DAB1: variants seen among roughly 807,000 people sequenced by gnomAD.
DAB1 encodes the protein DAB adaptor protein 1.
DAB1 carries 15 observed loss-of-function variants against 64.6 expected under a neutral mutation model. The observed-to-expected ratio is 0.23, with a 90% CI of 0.16 to 0.36. The LOEUF (loss-of-function observed/expected upper bound fraction) is 0.36, where lower values mean the gene tolerates loss of function less well. DAB1 is among the 10% of genes least tolerant of loss of function. The probability of loss-of-function intolerance (pLI) is 1.00; values close to 1 mark genes in which losing one functional copy is unlikely to be tolerated. For synonymous variants in DAB1, 235 were observed against 251.9 expected (o/e 0.93, Z 0.64); for missense variants, 596 against 706.7 (o/e 0.84, Z 1.78).
rs570870493 is a variant in DAB1, at chr1:57,003,387, C to A, written c.*16-5259G>T. Reference sequence around the variant, plus strand: ...CTTGAGCTACACACCAGGACTGTGCCTTTAGAGCTCCTGTCTTCATTTTAC... The same window carrying A: ...CTTGAGCTACACACCAGGACTGTGCATTTAGAGCTCCTGTCTTCATTTTAC... On this transcript the variant is annotated intron_variant, in intron 14 of 14. Coordinates refer to ENST00000371236, the MANE Select transcript of DAB1 (RefSeq NM_001365792.1). Among the ~76,000 whole-genome samples, 6 of 152,288 alleles carry A rather than the reference C, an allele frequency of 3.9e-5. No homozygotes were observed. The South Asian group carries it at 1.2e-3, about 32-fold the overall frequency.
intron 6 of DAB1, among the ~76,000 whole-genome samples, chr1:57,730,723 G>A (rs1023211865): frequency 9.2e-5 from 14 of 152,188 alleles, no homozygotes; most frequent in Admixed American, 6.5e-5. Flanking sequence ...ATCAAAGTCA[G>A]TTCCCATTGT....
intron 1 of DAB1, among the ~76,000 whole-genome samples, chr1:57,833,101 T>C (rs925476169): frequency 1.3e-5 from 2 of 152,120 alleles, no homozygotes; most frequent in Non-Finnish European, 2.9e-5. Context: ...TACAGTACTT[T>C]TCTAGGATAT....
intron 1 of DAB1, among the ~76,000 whole-genome samples, chr1:57,362,352 T>C (rs1679625435): frequency 6.6e-6 from 1 of 151,996 alleles, no homozygotes; most frequent in African/African-American, 2.4e-5. Flanking sequence ...ATTACTATTA[T>C]TCAATAATTC....
rs1197111004 is a variant in DAB1 at position 56,996,148 on chromosome 1, C to A, written c.*1996G>T. ...ACTTTTCGCTTTGTGAACAAGTATA[C>A]AATCATTTTTCAAATGAATCTCCCA... On this transcript the variant is annotated 3_prime_UTR_variant, in exon 15 of 15. Coordinates refer to ENST00000371236, the MANE Select transcript of DAB1 (RefSeq NM_001365792.1). The A allele has an allele frequency of 6.6e-6, 1 of 152,150 alleles. No homozygotes were observed. Among genetic ancestry groups the A allele is most frequent in the Non-Finnish European group, 1.5e-5 (1 of 68,032 alleles). The allele number at this position is 152,150 out of a possible 1,614,324, so 9.4% of individuals were successfully genotyped here. A position where few individuals can be genotyped will look rare whatever the true frequency, so the allele number is the denominator to read the frequency against.
intron 2 of DAB1, among the ~76,000 whole-genome samples, chr1:57,277,764 C>T (rs1489237851): frequency 7.9e-5 from 12 of 152,246 alleles, no homozygotes; most frequent in South Asian, 6.2e-4. Flanking sequence ...TTCTCCTTCC[C>T]GTGCACATTT....
At chr1:58,357,155 T>C (rs1644120004) in intron 3 of DAB1, among the ~76,000 whole-genome samples, 1 of 152,070 alleles carries the variant, frequency 6.6e-6, no homozygotes, top group African/African-American at 2.4e-5. Context: ...TCAGCAGCTT[T>C]TGGATTGTAT....
chr1:57,176,970 T>TACAAAAAAAAAAAAAA (rs146465598), intron 2 of DAB1, among the ~76,000 whole-genome samples: 2 of 61,038 alleles, frequency 3.3e-5, no homozygotes, highest in Admixed American at 1.9e-4. Context: ...CAGCAGCAGA[T>TACAAAAAAAAAAAAAA]ATAAAAAAAA....
At chr1:57,632,878 T>A (rs1646007446) in intron 7 of DAB1, among the ~76,000 whole-genome samples, 1 of 152,216 alleles carries the variant, frequency 6.6e-6, no homozygotes, top group Admixed American at 6.5e-5. Flanking sequence ...AAATGGATCA[T>A]AAGGATACTT....
At chr1:57,803,271 A>G (rs1323399168) in intron 6 of DAB1, among the ~76,000 whole-genome samples, 1 of 152,226 alleles carries the variant, frequency 6.6e-6, no homozygotes, top group South Asian at 2.1e-4. Context: ...AAGTTGCCAT[A>G]ACCTAGAGTG....
At chr1:58,306,369 A>C (rs1164701097) in intron 4 of DAB1, among the ~76,000 whole-genome samples, 1 of 152,192 alleles carries the variant, frequency 6.6e-6, no homozygotes, top group Non-Finnish European at 1.5e-5. Context: ...TCTGACATTT[A>C]ACAGTATGTT....
At chr1:57,525,597 A>T (rs1364945562) in intron 7 of DAB1, among the ~76,000 whole-genome samples, 4 of 152,156 alleles carry the variant, frequency 2.6e-5, no homozygotes, top group Non-Finnish European at 5.9e-5. Flanking sequence ...ACTTGAAATA[A>T]ACGTATTGAA....
At chr1:57,856,223 G>A (rs1653748364) in intron 1 of DAB1, among the ~76,000 whole-genome samples, 1 of 152,070 alleles carries the variant, frequency 6.6e-6, no homozygotes, top group Non-Finnish European at 1.5e-5. Flanking sequence ...GAGGAGGTGA[G>A]TAAGATCATG....
At chr1:57,959,114 A>C (rs1490300050) in intron 5 of DAB1, among the ~76,000 whole-genome samples, 1 of 152,208 alleles carries the variant, frequency 6.6e-6, no homozygotes, top group Non-Finnish European at 1.5e-5. Context: ...AATCTAGACC[A>C]AGTGTCCACT....
At chr1:58,357,090 C>A (rs1012595391) in intron 3 of DAB1, among the ~76,000 whole-genome samples, 62 of 150,722 alleles carry the variant, frequency 4.1e-4, no homozygotes, top group Non-Finnish European at 6.9e-4. Flanking sequence ...AATGTGAAGC[C>A]ATGGGAAGAT....
intron 3 of DAB1, among the ~76,000 whole-genome samples, chr1:58,414,118 T>C (rs1644695048): frequency 6.6e-6 from 1 of 152,210 alleles, no homozygotes; most frequent in African/African-American, 2.4e-5. Flanking sequence ...CATTATAACC[T>C]TATGGAACCA....
Position 58,498,448 on chromosome 1 carries a change from G to A in DAB1, n.257+7612C>T, listed in dbSNP as rs531595539. On this transcript the variant is annotated intron_variant and non_coding_transcript_variant, in intron 3 of 20. Transcript: ENST00000485760. Reference sequence around the variant, plus strand: ...TCTCTCCCTTAATTTCTAAAAGCAAGCATATACTTTTAAGAAGGCCTAAGG... The same window carrying A: ...TCTCTCCCTTAATTTCTAAAAGCAAACATATACTTTTAAGAAGGCCTAAGG... Among the ~76,000 whole-genome samples the A allele has an allele frequency of 4.6e-5, 7 of 152,166 alleles. 1 individual carries two copies. The South Asian group carries it at 1.0e-3, about 23-fold the overall frequency.
chr1:57,502,889 C>G lies in DAB1; in HGVS notation n.625+146703G>C, dbSNP rs2691428. On this transcript the variant is annotated intron_variant and non_coding_transcript_variant, in intron 7 of 20. Transcript: ENST00000485760. Reference sequence around the variant, plus strand: ...TAATGAGAAATCAAAAAATAAAACCCTGGAAATTTGAAACCAGTAATAATA... The same window carrying G: ...TAATGAGAAATCAAAAAATAAAACCGTGGAAATTTGAAACCAGTAATAATA... 8.0e-3 allele frequency among the ~76,000 whole-genome samples: 1,215 copies of G among 152,282 alleles called. 20 individuals are homozygous for G. Among genetic ancestry groups the G allele is most frequent in the African/African-American group, 0.024 (1,007 of 41,558 alleles).
chr1:57,013,619 G>A (rs1448378392), intron 12 of DAB1, among the ~76,000 whole-genome samples: 1 of 152,094 alleles, frequency 6.6e-6, no homozygotes, highest in Non-Finnish European at 1.5e-5. Context: ...TTAACATTAG[G>A]GGTGTTTTTT....
chr1:58,420,489 A>T (rs569950034), intron 3 of DAB1, among the ~76,000 whole-genome samples: 33 of 152,334 alleles, frequency 2.2e-4, no homozygotes, highest in African/African-American at 7.9e-4. Flanking sequence ...GTGTATATGT[A>T]GAAACCACCT....
Sources: gnomAD v4.1 joint callset for allele counts (sites outside exome capture counted in the v4.1 genomes callset) on GRCh38, gnomAD v4.1.1 for gene constraint, MANE v1.5 for transcripts, NCBI Gene and HGNC (gene_info 2026-07-23, HGNC 2026-07-21) for gene names.